MYO6: variants seen among roughly 807,000 people sequenced by gnomAD.
MYO6 encodes unconventional myosin-VI.
Under a neutral mutation model 178.7 loss-of-function variants are expected in MYO6, and 74 were observed. The ratio of observed to expected loss-of-function variants is 0.41; its 90% CI spans 0.34 to 0.50. The LOEUF is 0.50. MYO6 is among the 20% of genes least tolerant of loss of function. The probability of loss-of-function intolerance (pLI) is 0.09; values close to 1 mark genes in which losing one functional copy is unlikely to be tolerated. For missense variants in MYO6, 1,330 were observed against 1,547.4 expected, an observed-to-expected ratio of 0.86 and a Z score of 2.36; for synonymous variants, 477 against 504.6, an observed-to-expected ratio of 0.95 and a Z score of 0.73.
chr6:75,835,926 G>C lies in MYO6; in HGVS notation c.523G>C (p.Gly175Arg). The change falls in exon 7 of 35, where the codon GGT (glycine) becomes CGT (arginine). Residue 175 changes from glycine to arginine, a missense_variant. Around this residue, in one of 3 missense-constraint regions of MYO6, gnomAD observed 613 missense variants for 816.8 expected, o/e 0.75. Coordinates refer to ENST00000369977, the MANE Select transcript of MYO6 (RefSeq NM_004999.4). Reference sequence around the variant, plus strand: ...ATACCTGACTGAATCCTATGGAACAGGTCAAGATATTGATGACAGAATTGT... The same window carrying C: ...ATACCTGACTGAATCCTATGGAACACGTCAAGATATTGATGACAGAATTGT... ...LRYLTESYGT[G>R]QDIDDRIVEA... 1 of 1,607,414 alleles carries C rather than the reference G, an allele frequency of 6.2e-7. No homozygotes were observed. Among genetic ancestry groups the C allele is most frequent in the Non-Finnish European group, 8.5e-7 (1 of 1,173,976 alleles).
At chr6:75,828,352 T>C (rs1772695685) in intron 3 of MYO6, among the ~76,000 whole-genome samples, 188 bp from the exon 4 acceptor site, 1 of 152,150 alleles carries the variant, frequency 6.6e-6, no homozygotes, top group East Asian at 1.9e-4. Context: ...GTAACACACA[T>C]GTAAACTGAA....
intron 1 of MYO6, among the ~76,000 whole-genome samples, chr6:75,810,997 A>C (rs1583159322): frequency 6.8e-6 from 1 of 148,132 alleles, no homozygotes; most frequent in African/African-American, 2.5e-5. Context: ...AAAAAGTGAG[A>C]CCCTATCTCC....
chr6:75,842,124 G>A (rs900778213), intron 9 of MYO6, among the ~76,000 whole-genome samples: 1 of 151,988 alleles, frequency 6.6e-6, no homozygotes, highest in Non-Finnish European at 1.5e-5. Context: ...CATTGGGCCA[G>A]GATTAAAAAG....
In MYO6 at chr6:75,801,375, C is replaced by T. The variant is rs186886410; in HGVS notation, c.-47-16126C>T. Among the ~76,000 whole-genome samples, 165 of 151,960 alleles carry T rather than the reference C, an allele frequency of 1.1e-3. 1 individual carries two copies. The highest frequency in any genetic ancestry group is 0.01 in the Admixed American group (153 of 15,250). The stretch of plus-strand genomic sequence containing the variant: ...GGAGAGGAGAGGAGGGGTGGTTGTT[C>T]TTGCATGGCTTAAGAAGGAATAGGA... On this transcript the variant is annotated intron_variant, in intron 1 of 34. Transcript: ENST00000369977.
chr6:75,757,085 A>G (rs138519403), intron 1 of MYO6, among the ~76,000 whole-genome samples: 16 of 145,990 alleles, frequency 1.1e-4, no homozygotes, highest in South Asian at 6.4e-4. Context: ...GTGTATATAT[A>G]TGTATACGCA....
chr6:75,792,733 T>A (rs149234642), intron 1 of MYO6, among the ~76,000 whole-genome samples: 1 of 152,282 alleles, frequency 6.6e-6, no homozygotes, highest in African/African-American at 2.4e-5. Context: ...GCTTTTTCAT[T>A]ATTGTGTATA....
chr6:75,848,372 A>G lies in MYO6; in HGVS notation c.919A>G (p.Lys307Glu). ...SPEYLKAGSM[K>E]DPLLDDHGDF... The stretch of plus-strand genomic sequence containing the variant: ...GTAGTACCTTAAGGCAGGTTCTATG[A>G]AAGATCCTCTGCTAGATGACCATGG... Residue 307 changes from lysine to glutamate, a missense_variant, in exon 11 of 35, where the codon AAA (lysine) becomes GAA (glutamate). Lys to Glu is a moderately conservative substitution (Grantham distance 56, BLOSUM62 1). Transcript: ENST00000369977. 1 of 1,613,766 alleles carries G rather than the reference A, an allele frequency of 6.2e-7. No individual in the cohort carries two copies. Among genetic ancestry groups the G allele is most frequent in the Non-Finnish European group, 8.5e-7 (1 of 1,179,740 alleles).
At chr6:75,785,699 C>T (rs1767488241) in intron 1 of MYO6, among the ~76,000 whole-genome samples, 2 of 151,186 alleles carry the variant, frequency 1.3e-5, no homozygotes, top group South Asian at 4.2e-4. Flanking sequence ...CTTATAGAAG[C>T]TTTATTGTTT....
At chr6:75,780,679 C>T (rs1766885644) in intron 1 of MYO6, among the ~76,000 whole-genome samples, 1 of 152,236 alleles carries the variant, frequency 6.6e-6, no homozygotes, top group Admixed American at 6.5e-5. Context: ...AGGGCATTTA[C>T]TACTCATCCC....
intron 1 of MYO6, among the ~76,000 whole-genome samples, chr6:75,811,129 G>T (rs1026194518): frequency 2.0e-4 from 31 of 152,190 alleles, no homozygotes; most frequent in Non-Finnish European, 4.1e-4. Context: ...ATTGGGGTAG[G>T]GGGGCAGTTT....
chr6:75,828,308 T>C (rs1772687033), intron 3 of MYO6, among the ~76,000 whole-genome samples: 1 of 152,156 alleles, frequency 6.6e-6, no homozygotes, highest in Non-Finnish European at 1.5e-5. Context: ...GGTTTACTCT[T>C]TTAGTTGAAA....
In MYO6 at chr6:75,892,477, A is replaced by G; in HGVS notation, c.2947-53A>G. The G allele has an allele frequency of 9.3e-6, 15 of 1,611,708 alleles. No homozygotes were observed. In the South Asian group the frequency reaches 1.6e-4, roughly 18 times the overall value. ...TTTATTTTAAGTAATAAGGGGAGTG[A>G]TCAAGTAAACAAGTGAAGAACTCTT... On this transcript the variant is annotated intron_variant, in intron 27 of 34. Transcript: ENST00000369977.
At chr6:75,793,766 G>A (rs528799952) in intron 1 of MYO6, among the ~76,000 whole-genome samples, 183 of 152,122 alleles carry the variant, frequency 1.2e-3, no homozygotes, top group African/African-American at 4.2e-3. Flanking sequence ...GAATGTCTAC[G>A]TACATTTATA....
chr6:75,848,211 A>G (rs1774915173), intron 10 of MYO6, 140 bp from the exon 11 acceptor site: 11 of 757,680 alleles, frequency 1.5e-5, no homozygotes, highest in Non-Finnish European at 2.3e-5. Context: ...TTAGTTTTTG[A>G]ATGTTAGAAT....
At chr6:75,853,531 A>G (rs1396093461) in intron 11 of MYO6, among the ~76,000 whole-genome samples, 1 of 152,314 alleles carries the variant, frequency 6.6e-6, no homozygotes, top group Admixed American at 6.5e-5. Context: ...GAAGGGGTCC[A>G]GCTTCATTCT....
chr6:75,790,481 A>T (rs909452621), intron 1 of MYO6, among the ~76,000 whole-genome samples: 1 of 151,556 alleles, frequency 6.6e-6, no homozygotes, highest in African/African-American at 2.4e-5. Flanking sequence ...TCGTGGGTTC[A>T]AGCAATTCTC....
chr6:75,908,066 A>T (rs1780475897), intron 31 of MYO6, among the ~76,000 whole-genome samples: 2 of 152,220 alleles, frequency 1.3e-5, no homozygotes, highest in Admixed American at 1.3e-4. Flanking sequence ...AAAGTATCAT[A>T]ATTGTACATA....
intron 30 of MYO6, among the ~76,000 whole-genome samples, chr6:75,900,873 C>T (rs1422567938): frequency 2.0e-5 from 3 of 150,352 alleles, no homozygotes; most frequent in South Asian, 2.1e-4. Flanking sequence ...TTAGGTCTAA[C>T]GTTTAAGTCT....
chr6:75,846,183 A>G (rs189689183), intron 10 of MYO6, among the ~76,000 whole-genome samples: 1 of 152,136 alleles, frequency 6.6e-6, no homozygotes, highest in East Asian at 1.9e-4. Context: ...AAATTTTAAT[A>G]TGCAGTGTTT....
Sources: gnomAD v4.1 joint callset for allele counts (sites outside exome capture counted in the v4.1 genomes callset) on GRCh38, gnomAD v4.1.1 for gene constraint, gnomAD v4.1.1 regional missense constraint, MANE v1.5 for transcripts, NCBI Gene and HGNC (gene_info 2026-07-23, HGNC 2026-07-21) for gene names.